The following NDUFAF5 variants were observed in gnomAD, a reference collection of about 807,000 sequenced individuals.
NDUFAF5 encodes arginine-hydroxylase NDUFAF5, mitochondrial.
NDUFAF5 carries 34 observed loss-of-function variants against 48.9 expected under a neutral mutation model. The ratio of observed to expected loss-of-function variants is 0.70; its 90% confidence interval spans 0.53 to 0.93. The LOEUF is 0.93. NDUFAF5 is among the 40% of genes least tolerant of loss of function. The probability of loss-of-function intolerance (pLI) is 0.00; values close to 1 mark genes in which losing one functional copy is unlikely to be tolerated. For missense variants in NDUFAF5, 428 were observed against 427.5 expected, an observed-to-expected ratio of 1.00 and a Z score of -0.01; for synonymous variants, 153 against 150.6, an observed-to-expected ratio of 1.02 and a Z score of -0.12.
At chr20:13,811,771 G>A (rs1333808494) in intron 8 of NDUFAF5, among the ~76,000 whole-genome samples, 5 of 152,142 alleles carry the variant, frequency 3.3e-5, no homozygotes, top group African/African-American at 1.2e-4. Context: ...GCTTCAACTT[G>A]CGTCCTTTGT....
intron 8 of NDUFAF5, chr20:13,814,383 T>G (rs1461037290): frequency 2.9e-6 from 3 of 1,037,958 alleles, no homozygotes; most frequent in Non-Finnish European, 3.9e-6. Context: ...ATGGTTGTGG[T>G]GTGTCTCATT....
At chr20:13,790,968 C>T (rs1276193153) in intron 3 of NDUFAF5, among the ~76,000 whole-genome samples, 1 of 152,168 alleles carries the variant, frequency 6.6e-6, no homozygotes, top group Non-Finnish European at 1.5e-5. Context: ...TATTTGGTGT[C>T]TTTCTTCTCT....
intron 1 of NDUFAF5, 28 bp downstream of exon 1, chr20:13,785,318 G>C: frequency 6.4e-7 from 1 of 1,565,246 alleles, no homozygotes; most frequent in Non-Finnish European, 8.7e-7. Context: ...CGGGGCGGCG[G>C]GGCGGGCGAC....
chr20:13,803,462 T>C (rs1265243417), intron 7 of NDUFAF5: 1 of 152,230 alleles, frequency 6.6e-6, no homozygotes, highest in African/African-American at 2.4e-5. Context: ...ATTGTATAAG[T>C]AACACAAATA....
At chr20:13,811,820 A>G (rs1036795035) in intron 8 of NDUFAF5, among the ~76,000 whole-genome samples, 3 of 152,144 alleles carry the variant, frequency 2.0e-5, no homozygotes, top group African/African-American at 7.2e-5. Flanking sequence ...ATATAGACTG[A>G]CATCAAAAAT....
rs2147629964 is a variant in NDUFAF5, at chr20:13,816,865, G to A, written c.863-10G>A. 1 of 1,585,106 alleles carries A rather than the reference G, an allele frequency of 6.3e-7. No individual in the cohort carries two copies. The highest frequency in any genetic ancestry group is 8.7e-7 in the Non-Finnish European group (1 of 1,153,970). ...ATTTTTTCAGACTTTAACCATTATT[G>A]TCTTTTTAGAAATGTACAGAAATGA... On this transcript the variant is annotated splice_polypyrimidine_tract_variant and intron_variant, in intron 9 of 10. Coordinates refer to ENST00000378106, the MANE Select transcript of NDUFAF5 (RefSeq NM_024120.5).
intron 8 of NDUFAF5, chr20:13,814,566 T>G: frequency 1.1e-6 from 1 of 902,534 alleles, no homozygotes; most frequent in Non-Finnish European, 1.6e-6. Context: ...TTTAGTAAAC[T>G]GTAATAAATT....
At position 13,785,178 on chromosome 20, in the gene NDUFAF5, G is replaced by A. The variant is rs138556430; in HGVS notation, c.110G>A (p.Gly37Asp). The A allele has an allele frequency of 6.2e-7, 1 of 1,613,774 alleles. No individual in the cohort carries two copies. The highest frequency in any genetic ancestry group is 1.3e-5 in the African/African-American group (1 of 74,938). Residue 37 changes from glycine to aspartate, a missense_variant, in exon 1 of 11, where the codon GGT becomes GAT. Physicochemically the swap from Gly to Asp is moderately conservative, Grantham distance 94. Coordinates refer to ENST00000378106, the MANE Select transcript of NDUFAF5 (RefSeq NM_024120.5). ...GTCACCTCTGGTGTCTCTCCCCGCG[G>A]TAGCACCTCGCCCAGAACCCTGAAT... is the stretch of plus-strand genomic sequence containing the variant. ...REVTSGVSPR[G>D]STSPRTLNIF...
intron 8 of NDUFAF5, among the ~76,000 whole-genome samples, chr20:13,811,783 G>C (rs1325964059): frequency 3.3e-5 from 5 of 152,106 alleles, no homozygotes; most frequent in African/African-American, 1.2e-4. Flanking sequence ...GTCCTTTGTG[G>C]GAATTTGTGA....
chr20:13,790,431 A>G (rs948221236), intron 3 of NDUFAF5, among the ~76,000 whole-genome samples: 2 of 152,174 alleles, frequency 1.3e-5, no homozygotes, highest in African/African-American at 4.8e-5. Flanking sequence ...AAATATAACC[A>G]AACTCTTATG....
At chr20:13,804,261 G>T (rs1426635141) in intron 7 of NDUFAF5, among the ~76,000 whole-genome samples, 1 of 152,082 alleles carries the variant, frequency 6.6e-6, no homozygotes, top group Non-Finnish European at 1.5e-5. Context: ...CGTAGAATAA[G>T]AGGTAAAAAG....
At position 13,801,652 on chromosome 20, in the gene NDUFAF5, T is replaced by C. The variant is rs118203929; in HGVS notation, c.686T>C (p.Leu229Pro). The C allele has an allele frequency of 8.1e-6, 13 of 1,614,036 alleles. No homozygotes were observed. In the South Asian group the frequency reaches 1.4e-4, roughly 18 times the overall value. ...FTAVNDLGHL[L>P]GRAGFNTLTV... ...GCTGTCAATGACCTGGGACATCTGC[T>C]TGGGAGAGCTGGCTTTAATACTCTG... Residue 229 changes from leucine (L) to proline (P), a missense_variant, in exon 7 of 11, where the codon CTT becomes CCT. Physicochemically the swap from Leu to Pro is moderately conservative, Grantham distance 98 (BLOSUM62 -3). Coordinates refer to ENST00000378106, the MANE Select transcript of NDUFAF5 (RefSeq NM_024120.5).
chr20:13,818,319 A>G lies in NDUFAF5; in HGVS notation c.*1109A>G, dbSNP rs550459463. ...AAAAACCAAGATTTGTAGGAGAAAA[A>G]GAAATTATTGTTCCCTTCAGTTTGA... On this transcript the variant is annotated 3_prime_UTR_variant, in exon 11 of 11. Coordinates refer to ENST00000378106, the MANE Select transcript of NDUFAF5 (RefSeq NM_024120.5). 2 of 432,674 alleles carry G rather than the reference A, an allele frequency of 4.6e-6. No homozygotes were observed. Among genetic ancestry groups the G allele is most frequent in the African/African-American group, 2.0e-5 (1 of 49,212 alleles). 26.8% of individuals were successfully genotyped at this position (432,674 alleles called of 1,614,324 possible). A position where few individuals can be genotyped will look rare whatever the true frequency, so the allele number is the denominator to read the frequency against.
chr20:13,808,857 C>T lies in NDUFAF5; in HGVS notation c.733C>T (p.Gln245Ter). 2 of 1,584,750 alleles carry T rather than the reference C, an allele frequency of 1.3e-6. No homozygotes were observed. Among genetic ancestry groups the T allele is most frequent in the Non-Finnish European group, 8.7e-7 (1 of 1,153,722 alleles). ...NTLTVDTDEIQVNYPGMFELM... is the reference protein window; with the variant it reads ...NTLTVDTDEI ...TTTTAAATAGGACACTGATGAAATT[C>T]AAGTTAACTATCCTGGAATGTTTGA... Residue 245 changes from glutamine to a stop codon, truncating the protein, a stop_gained, in exon 8 of 11, where the codon CAA (glutamine) becomes TAA (stop). Coordinates refer to ENST00000378106, the MANE Select transcript of NDUFAF5 (RefSeq NM_024120.5). LOFTEE classifies it high-confidence loss of function.
At chr20:13,816,304 AC>A in intron 8 of NDUFAF5, 158 bp from the exon 9 acceptor site, 1 of 695,606 alleles carries the variant, frequency 1.4e-6, no homozygotes. Context: ...TCACTAAGAA[AC>A]CCAGTTATAA....
intron 7 of NDUFAF5, among the ~76,000 whole-genome samples, chr20:13,808,556 A>T (rs192941505): frequency 6.6e-6 from 1 of 152,240 alleles, no homozygotes; most frequent in African/African-American, 2.4e-5. Flanking sequence ...GGAGAGGGCA[A>T]TGGTTTGTAG....
intron 7 of NDUFAF5, 114 bp downstream of exon 7, chr20:13,801,797 C>CTT: frequency 1.3e-6 from 1 of 774,446 alleles, no homozygotes; most frequent in Non-Finnish European, 2.1e-6. Flanking sequence ...CTTTCTCTCC[C>CTT]TTTTTTTTTC....
intron 6 of NDUFAF5, among the ~76,000 whole-genome samples, chr20:13,801,173 AT>A (rs760407786): frequency 2.0e-5 from 3 of 151,540 alleles, no homozygotes; most frequent in Admixed American, 6.6e-5. Context: ...CCCCAATTAA[AT>A]TTTTTTTTCT....
At chr20:13,789,749 T>G (rs1007548802) in intron 3 of NDUFAF5, among the ~76,000 whole-genome samples, 5 of 151,782 alleles carry the variant, frequency 3.3e-5, no homozygotes, top group African/African-American at 1.2e-4. Context: ...GTGCTGGGAT[T>G]ACAGGCGTGA....
Sources: allele counts gnomAD v4.1 joint callset (sites outside exome capture counted in the v4.1 genomes callset), GRCh38; gene constraint gnomAD v4.1.1; transcripts MANE v1.5; gene names NCBI Gene and HGNC (gene_info 2026-07-23, HGNC 2026-07-21).